ZBTB20: variants seen among roughly 807,000 people sequenced by gnomAD.
ZBTB20 encodes zinc finger and BTB domain containing 20, also known as zinc finger and BTB domain-containing protein 20.
A neutral mutation model predicts 56.9 loss-of-function variants in ZBTB20; 9 were observed. The observed-to-expected ratio is 0.16, with a 90% confidence interval of 0.10 to 0.28. ZBTB20 has a LOEUF of 0.28. Ranked by LOEUF, ZBTB20 falls within the 10% of genes least tolerant of loss-of-function variation. The pLI, the probability that ZBTB20 is intolerant of heterozygous loss-of-function variation, is 1.00. For synonymous variants in ZBTB20, 417 were observed against 420.7 expected, an observed-to-expected ratio of 0.99 and a Z score of 0.11; for missense variants, 655 against 1,003.0, an observed-to-expected ratio of 0.65 and a Z score of 4.69.
At chr3:114,958,295 T>C (rs1357576939) in intron 3 of ZBTB20, among the ~76,000 whole-genome samples, 1 of 152,278 alleles carries the variant, frequency 6.6e-6, no homozygotes, top group East Asian at 1.9e-4. Context: ...TAATATTTTT[T>C]CTTACTTCCT....
In ZBTB20 at chr3:115,064,877, T is replaced by A. The variant is rs550245135; in HGVS notation, c.-507+6342A>T. Among the ~76,000 whole-genome samples the A allele has an allele frequency of 3.9e-5, 6 of 152,326 alleles. No homozygotes were observed. In the East Asian group the frequency reaches 1.2e-3, roughly 29 times the overall value. On this transcript the variant is annotated intron_variant, in intron 2 of 11. Transcript: ENST00000675478. ...TTCTCTCGGGAACTTTCTATTATCA[T>A]CTATTTATTACTGTTATTTTGAAAT...
At chr3:114,406,057 A>AT (rs2087292942) in intron 7 of ZBTB20, among the ~76,000 whole-genome samples, 1 of 151,946 alleles carries the variant, frequency 6.6e-6, no homozygotes, top group South Asian at 2.1e-4. Flanking sequence ...GGTAAATGTT[A>AT]TTTTTTAAAA....
intron 10 of ZBTB20, among the ~76,000 whole-genome samples, chr3:114,361,420 A>C (rs2081869270): frequency 6.6e-6 from 1 of 152,190 alleles, no homozygotes; most frequent in Non-Finnish European, 1.5e-5. Flanking sequence ...GTGAGGTAAT[A>C]AACTAAGACA....
chr3:114,679,939 G>A (rs781639121), intron 6 of ZBTB20, among the ~76,000 whole-genome samples: 56 of 152,146 alleles, frequency 3.7e-4, no homozygotes, highest in South Asian at 1.0e-3. Flanking sequence ...ATATACACAT[G>A]GAATACTATG....
At chr3:115,110,619 T>C (rs977496634) in intron 1 of ZBTB20, among the ~76,000 whole-genome samples, 4 of 152,218 alleles carry the variant, frequency 2.6e-5, no homozygotes, top group Admixed American at 2.0e-4. Context: ...TACACTTATA[T>C]TGGGTATTTC....
intron 4 of ZBTB20, among the ~76,000 whole-genome samples, chr3:114,893,077 G>A (rs538375044): frequency 4.7e-4 from 71 of 152,160 alleles, no homozygotes; most frequent in Non-Finnish European, 5.0e-4. Context: ...CTTGGGATCC[G>A]GACTTCGCTC....
At chr3:114,799,012 G>A (rs2071527511) in intron 5 of ZBTB20, among the ~76,000 whole-genome samples, 1 of 151,826 alleles carries the variant, frequency 6.6e-6, no homozygotes, top group African/African-American at 2.4e-5. Flanking sequence ...CTTAGAAGGT[G>A]TCAAATGGTT....
At chr3:114,555,891 T>C (rs966823981) in intron 6 of ZBTB20, among the ~76,000 whole-genome samples, 2 of 152,108 alleles carry the variant, frequency 1.3e-5, no homozygotes, top group African/African-American at 4.8e-5. Context: ...ATGTGAGTAC[T>C]AGATTTGGAC....
Position 114,839,966 on chromosome 3 carries a change from C to T in ZBTB20, c.-416-38792G>A, listed in dbSNP as rs115840211. ...AATTCTGGGAAAGACTAAATTTAAG[C>T]TGTTTTAGGCCATCAAGTTTGTGCT... On this transcript the variant is annotated intron_variant, in intron 4 of 11. Transcript: ENST00000675478. Among the ~76,000 whole-genome samples the T allele has an allele frequency of 4.7e-3, 708 of 152,238 alleles. 9 individuals are homozygous for T. The highest frequency in any genetic ancestry group is 0.016 in the African/African-American group (672 of 41,550).
intron 6 of ZBTB20, among the ~76,000 whole-genome samples, chr3:114,664,936 T>C (rs952294659): frequency 6.6e-6 from 1 of 152,020 alleles, no homozygotes; most frequent in Non-Finnish European, 1.5e-5. Flanking sequence ...ACAATTAATT[T>C]TTGCTGAATG....
intron 7 of ZBTB20, among the ~76,000 whole-genome samples, chr3:114,480,537 T>C (rs1314720950): frequency 6.6e-6 from 1 of 152,230 alleles, no homozygotes; most frequent in African/African-American, 2.4e-5. Flanking sequence ...ACACGTTTGC[T>C]GATAGGATCA....
At chr3:114,975,485 G>T (rs2078060304) in intron 2 of ZBTB20, among the ~76,000 whole-genome samples, 1 of 152,094 alleles carries the variant, frequency 6.6e-6, no homozygotes. Flanking sequence ...TAATATGCAT[G>T]CACAGTATTT....
At chr3:115,117,043 C>A (rs1328035404) in intron 1 of ZBTB20, among the ~76,000 whole-genome samples, 2 of 152,068 alleles carry the variant, frequency 1.3e-5, no homozygotes, top group Non-Finnish European at 2.9e-5. Flanking sequence ...ACAACCATTG[C>A]AAAACATGCT....
chr3:114,964,697 G>T (rs111682592), intron 3 of ZBTB20, among the ~76,000 whole-genome samples: 3,024 of 152,186 alleles, frequency 0.02, 42 homozygotes, highest in South Asian at 0.032. Context: ...GAGGAGGCGG[G>T]GGGTGATGGG....
chr3:114,400,415 C>G (rs555623065), intron 7 of ZBTB20, among the ~76,000 whole-genome samples: 2 of 152,214 alleles, frequency 1.3e-5, no homozygotes, highest in East Asian at 3.9e-4. Context: ...TCAATGTTGT[C>G]TGGAAGATTT....
rs149813300 is a variant in ZBTB20, at chr3:114,971,003, A to G, written c.-456+3363T>C. ...GCACTCCAGCCTGGGCAACAGAGCG[A>G]GACTCCGTCAAAAAAAAAAAAAAGA... On this transcript the variant is annotated intron_variant, in intron 3 of 11. Coordinates refer to ENST00000675478, the MANE Select transcript of ZBTB20 (RefSeq NM_001348800.3). 9.5e-5 allele frequency among the ~76,000 whole-genome samples: 14 copies of G among 147,100 alleles called. No individual in the cohort carries two copies. In the East Asian group the frequency reaches 2.5e-3, roughly 26 times the overall value.
In ZBTB20 at chr3:114,321,550, T is replaced by A. The variant is rs1285808111; in HGVS notation, c.*17455A>T. 1 of 152,076 alleles carries A rather than the reference T, an allele frequency of 6.6e-6. No homozygotes were observed. The highest frequency in any genetic ancestry group is 1.5e-5 in the Non-Finnish European group (1 of 68,020). The allele number at this position is 152,076 out of a possible 1,614,324, so 9.4% of individuals were successfully genotyped here. A position where few individuals can be genotyped will look rare whatever the true frequency, so the allele number is the denominator to read the frequency against. ...TGGCAGGGGCTCTTTACGTTAACTA[T>A]ACCTAACTGATGACTAATTCACACA... On this transcript the variant is annotated 3_prime_UTR_variant, in exon 12 of 12. Coordinates refer to ENST00000675478, the MANE Select transcript of ZBTB20 (RefSeq NM_001348800.3).
intron 7 of ZBTB20, among the ~76,000 whole-genome samples, chr3:114,451,520 C>A (rs2091606372): frequency 6.6e-6 from 1 of 152,066 alleles, no homozygotes; most frequent in Non-Finnish European, 1.5e-5. Context: ...ATAATTAAAG[C>A]TTTGTCTTTA....
chr3:114,574,792 T>A (rs2053832690), intron 6 of ZBTB20, among the ~76,000 whole-genome samples: 1 of 152,230 alleles, frequency 6.6e-6, no homozygotes, highest in Admixed American at 6.5e-5. Context: ...CAAGAACCTA[T>A]GACAGCTCCT....
Sources: gnomAD v4.1 joint callset for allele counts (sites outside exome capture counted in the v4.1 genomes callset) on GRCh38, gnomAD v4.1.1 for gene constraint, MANE v1.5 for transcripts, NCBI Gene and HGNC (gene_info 2026-07-23, HGNC 2026-07-21) for gene names.